The following LOC400499 variants were observed in gnomAD, a reference collection of about 807,000 sequenced individuals.
the LOC400499 span, chr16:11,387,069 GCT>G: frequency 2.4e-6 from 3 of 1,226,706 alleles, no homozygotes; most frequent in Non-Finnish European, 3.1e-6. Context: ...GAGGCAGGGG[GCT>G]CTCAGGGAGG....
the LOC400499 span, chr16:11,491,564 AC>A: frequency 2.6e-6 from 1 of 389,340 alleles, no homozygotes; most frequent in Non-Finnish European, 4.5e-6. Flanking sequence ...TGGTAGAGAA[AC>A]AGGGGAACAA....
chr16:11,426,990 C>A, the LOC400499 span, among the ~76,000 whole-genome samples: 402 of 142,112 alleles, frequency 2.8e-3, no homozygotes, highest in Non-Finnish European at 4.3e-3. Flanking sequence ...AAAAGACAAA[C>A]AATTTAATAA....
At chr16:11,437,947 C>T in the LOC400499 span, among the ~76,000 whole-genome samples, 1 of 152,192 alleles carries the variant, frequency 6.6e-6, no homozygotes, top group Non-Finnish European at 1.5e-5. Context: ...CACCCCCACT[C>T]CCCGATGAGT....
the LOC400499 span, among the ~76,000 whole-genome samples, chr16:11,495,184 G>C: frequency 6.6e-6 from 1 of 150,406 alleles, no homozygotes; most frequent in African/African-American, 2.4e-5. Context: ...ACTGCACCCT[G>C]GGTGGCAGAG....
At chr16:11,427,760 T>C in the LOC400499 span, among the ~76,000 whole-genome samples, 1 of 152,176 alleles carries the variant, frequency 6.6e-6, no homozygotes, top group Non-Finnish European at 1.5e-5. Context: ...TGTGCACATT[T>C]CTTTTTATGT....
chr16:11,414,684 C>T, the LOC400499 span: 359 of 397,028 alleles, frequency 9.0e-4, 4 homozygotes, highest in East Asian at 0.012. Context: ...TTTGAGCCTC[C>T]GTGACATCAT....
the LOC400499 span, among the ~76,000 whole-genome samples, chr16:11,512,272 A>G: frequency 8.1e-5 from 12 of 147,594 alleles, 1 homozygote; most frequent in African/African-American, 3.0e-4. Context: ...ACAGAGCCAG[A>G]TTCCATCTCA....
At chr16:11,402,074 C>T in the LOC400499 span, 29 of 399,206 alleles carry the variant, frequency 7.3e-5, no homozygotes, top group African/African-American at 2.9e-4. Flanking sequence ...CAGGCCATCC[C>T]GGTGGCTGCC....
chr16:11,445,122 G>C, the LOC400499 span, among the ~76,000 whole-genome samples: 2 of 150,176 alleles, frequency 1.3e-5, no homozygotes, highest in Non-Finnish European at 3.0e-5. Flanking sequence ...ATTTGTGATA[G>C]GTACTAAAAG....
the LOC400499 span, chr16:11,462,476 C>G: frequency 1.0e-6 from 1 of 978,680 alleles, no homozygotes; most frequent in Non-Finnish European, 1.2e-6. Flanking sequence ...GTCTCCCAAG[C>G]TGGAGTGCAG....
the LOC400499 span, among the ~76,000 whole-genome samples, chr16:11,447,171 T>C: frequency 2.0e-5 from 3 of 152,292 alleles, no homozygotes; most frequent in African/African-American, 7.2e-5. Flanking sequence ...CCCAAGAGGA[T>C]AGATGACACA....
the LOC400499 span, chr16:11,457,174 A>G: frequency 1.2e-6 from 1 of 805,934 alleles, no homozygotes; most frequent in Non-Finnish European, 1.9e-6. Context: ...AGTGGAACGC[A>G]GTCCAAAAAA....
At chr16:11,457,142 T>C in the LOC400499 span, 370 of 1,115,268 alleles carry the variant, frequency 3.3e-4, 2 homozygotes, top group African/African-American at 5.0e-3. Flanking sequence ...ATTGCACTAC[T>C]GCACTCCACA....
the LOC400499 span, chr16:11,502,160 T>C: frequency 5.0e-5 from 20 of 398,954 alleles, no homozygotes; most frequent in Non-Finnish European, 7.5e-5. Context: ...GGGACACCAG[T>C]GTCAGGAACA....
At chr16:11,451,871 T>C in the LOC400499 span, among the ~76,000 whole-genome samples, 25 of 151,920 alleles carry the variant, frequency 1.6e-4, no homozygotes, top group South Asian at 4.2e-4. Context: ...TAGGGAGACA[T>C]TGAAGAGTGG....
the LOC400499 span, among the ~76,000 whole-genome samples, chr16:11,468,085 G>A: frequency 6.6e-6 from 1 of 151,398 alleles, no homozygotes; most frequent in African/African-American, 2.4e-5. Flanking sequence ...GCCTTCACAG[G>A]TGGGGAAAAA....
chr16:11,403,475 G>GCACACACATACACTCATGAGCA, the LOC400499 span, among the ~76,000 whole-genome samples: 1 of 148,276 alleles, frequency 6.7e-6, no homozygotes, highest in African/African-American at 2.6e-5. Context: ...ACACACATGA[G>GCACACACATACACTCATGAGCA]CACACATACA....
chr16:11,515,103 C>G, the LOC400499 span, among the ~76,000 whole-genome samples: 10 of 152,202 alleles, frequency 6.6e-5, no homozygotes, highest in African/African-American at 2.4e-4. Context: ...CTCAGAAGTT[C>G]AAGATCAGCC....
the LOC400499 span, among the ~76,000 whole-genome samples, chr16:11,519,965 T>C: frequency 1.3e-5 from 2 of 151,866 alleles, no homozygotes; most frequent in Non-Finnish European, 2.9e-5. Flanking sequence ...GGCCTCCCAA[T>C]GAGCTGGGAT....
Sources: gnomAD v4.1 joint callset for allele counts (sites outside exome capture counted in the v4.1 genomes callset) on GRCh38, gnomAD v4.1.1 for gene constraint, MANE v1.5 for transcripts.